The following EYA2 variants were observed in gnomAD, a reference collection of about 807,000 sequenced individuals.
The protein encoded by EYA2 is EYA transcriptional coactivator and phosphatase 2.
EYA2 carries 31 observed loss-of-function variants against 69.2 expected under a neutral mutation model. That is an observed-to-expected ratio of 0.45 (90% CI 0.34 to 0.60). The LOEUF is 0.60. EYA2 is among the 20% of genes least tolerant of loss of function. The probability of loss-of-function intolerance (pLI) is 0.02; values close to 1 mark genes in which losing one functional copy is unlikely to be tolerated. For missense variants in EYA2, 622 were observed against 701.2 expected, an observed-to-expected ratio of 0.89 and a Z score of 1.28; for synonymous variants, 257 against 279.4, an observed-to-expected ratio of 0.92 and a Z score of 0.80.
chr20:47,133,107 CCAAACGTAGACCTAAAG>C (rs1322493654), intron 9 of EYA2, among the ~76,000 whole-genome samples: 2 of 152,198 alleles, frequency 1.3e-5, no homozygotes, highest in African/African-American at 4.8e-5. Flanking sequence ...ACCAAGATGT[CCAAACGTAGACCTAAAG>C]CAAGGTGGGA....
chr20:46,930,266 A>T (rs1472996711), intron 1 of EYA2, among the ~76,000 whole-genome samples: 1 of 152,254 alleles, frequency 6.6e-6, no homozygotes, highest in African/African-American at 2.4e-5. Context: ...GGTTAACACT[A>T]AAACTTTTAA....
At chr20:46,957,293 T>C (rs150795376) in intron 1 of EYA2, among the ~76,000 whole-genome samples, 321 of 152,304 alleles carry the variant, frequency 2.1e-3, no homozygotes, top group African/African-American at 7.2e-3. Flanking sequence ...AGCCTATCAA[T>C]TATACACACT....
intron 5 of EYA2, among the ~76,000 whole-genome samples, chr20:47,063,717 G>C (rs901961625): frequency 6.6e-6 from 1 of 152,156 alleles, no homozygotes; most frequent in African/African-American, 2.4e-5. Context: ...CTGGCCGTGG[G>C]CCAAGTCTTC....
At chr20:47,014,578 T>G (rs907015112) in intron 4 of EYA2, among the ~76,000 whole-genome samples, 4 of 151,750 alleles carry the variant, frequency 2.6e-5, no homozygotes, top group Non-Finnish European at 4.4e-5. Context: ...ACTCAGTGAT[T>G]CCAGCTACTG....
chr20:47,074,991 A>C (rs941234559), intron 7 of EYA2, among the ~76,000 whole-genome samples: 2 of 152,226 alleles, frequency 1.3e-5, no homozygotes, highest in Non-Finnish European at 2.9e-5. Flanking sequence ...GGCACCTGTA[A>C]TCCCAGCTAC....
chr20:47,139,621 G>C (rs11907791), intron 9 of EYA2, among the ~76,000 whole-genome samples: 2,535 of 152,080 alleles, frequency 0.017, 71 homozygotes, highest in African/African-American at 0.058. Context: ...GTGGAGACGG[G>C]GTTTCTCCAT....
intron 4 of EYA2, among the ~76,000 whole-genome samples, chr20:47,006,522 C>G (rs1311701625): frequency 1.3e-5 from 2 of 152,216 alleles, no homozygotes; most frequent in African/African-American, 4.8e-5. Flanking sequence ...TTTCATCTTC[C>G]CACCTAGAGG....
chr20:47,100,244 C>T (rs986302118), intron 9 of EYA2, among the ~76,000 whole-genome samples: 6 of 152,226 alleles, frequency 3.9e-5, no homozygotes, highest in Non-Finnish European at 5.9e-5. Context: ...GTGTCGCCAA[C>T]ATTTAAAAAT....
intron 9 of EYA2, among the ~76,000 whole-genome samples, chr20:47,112,948 T>C (rs2032789769): frequency 1.4e-5 from 2 of 142,312 alleles, no homozygotes; most frequent in Admixed American, 1.5e-4. Context: ...CTTGGCTCAC[T>C]GCAACCACTG....
chr20:47,180,854 A>G lies in EYA2; in HGVS notation c.1353A>G (p.Leu451=), dbSNP rs1329936321. ...ATGTGCTGGTCACCACCACTCAACT[A>G]ATTCCTGCCCTGGCCAAAGTCCTGC... The part of the protein sequence containing the change: ...CVNVLVTTTQ[L]IPALAKVLLY... Residue 451 remains leucine (L), a synonymous_variant, in exon 14 of 16, where the codon CTA becomes CTG. Transcript: ENST00000327619. The G allele has an allele frequency of 1.2e-6, 2 of 1,614,204 alleles. No individual in the cohort carries two copies. Among genetic ancestry groups the G allele is most frequent in the Non-Finnish European group, 1.7e-6 (2 of 1,180,042 alleles).
At chr20:47,094,821 G>A (rs574765012) in intron 8 of EYA2, among the ~76,000 whole-genome samples, 2 of 152,268 alleles carry the variant, frequency 1.3e-5, no homozygotes, top group African/African-American at 4.8e-5. Context: ...TTGCATTCAG[G>A]AGTTCAAGAA....
intron 9 of EYA2, among the ~76,000 whole-genome samples, chr20:47,120,348 C>T (rs1365185932): frequency 6.6e-6 from 1 of 152,176 alleles, no homozygotes; most frequent in East Asian, 1.9e-4. Context: ...TGCACTCCAG[C>T]CTGGGCAACA....
At position 47,075,026 on chromosome 20, in the gene EYA2, G is replaced by A. The variant is rs146474921; in HGVS notation, c.661+691G>A. 4.5e-3 allele frequency among the ~76,000 whole-genome samples: 690 copies of A among 152,324 alleles called. 8 individuals are homozygous for A. The highest frequency in any genetic ancestry group is 0.014 in the African/African-American group (590 of 41,572). The stretch of plus-strand genomic sequence containing the variant: ...CTAGGGCGGCTGAGGTAGGAGAATC[G>A]CTTGAACCTGGGAGGCGGAGGTTGC... On this transcript the variant is annotated intron_variant, in intron 7 of 15. Transcript: ENST00000327619.
chr20:47,038,908 G>A (rs528653007), intron 5 of EYA2, among the ~76,000 whole-genome samples: 1 of 152,162 alleles, frequency 6.6e-6, no homozygotes, highest in South Asian at 2.1e-4. Context: ...TCTCGAACAG[G>A]AGAAAAACAA....
At chr20:46,907,278 C>G (rs1372991484) in intron 1 of EYA2, among the ~76,000 whole-genome samples, 1 of 152,234 alleles carries the variant, frequency 6.6e-6, no homozygotes, top group African/African-American at 2.4e-5. Context: ...TGGAAAATAG[C>G]TCAGGTTTTT....
At chr20:46,914,512 G>A (rs1035141455) in intron 1 of EYA2, among the ~76,000 whole-genome samples, 16 of 152,290 alleles carry the variant, frequency 1.1e-4, no homozygotes, top group African/African-American at 2.2e-4. Flanking sequence ...CAATCATGGC[G>A]GAAGGGGAAG....
intron 2 of EYA2, among the ~76,000 whole-genome samples, chr20:46,996,704 A>T (rs530367420): frequency 2.3e-4 from 35 of 152,366 alleles, no homozygotes; most frequent in African/African-American, 7.5e-4. Context: ...CCATAAAAAA[A>T]TACCTGAAAC....
At chr20:47,012,967 G>C (rs1189311531) in intron 4 of EYA2, among the ~76,000 whole-genome samples, 3 of 152,198 alleles carry the variant, frequency 2.0e-5, no homozygotes, top group African/African-American at 7.2e-5. Context: ...CAGACTTAGG[G>C]GACGAAGGCC....
intron 5 of EYA2, among the ~76,000 whole-genome samples, chr20:47,056,309 G>C (rs2030606941): frequency 6.6e-6 from 1 of 152,088 alleles, no homozygotes; most frequent in Admixed American, 6.6e-5. Flanking sequence ...CGCAACATGG[G>C]TACCCCAGGA....
Sources: gnomAD v4.1 joint callset for allele counts (sites outside exome capture counted in the v4.1 genomes callset) on GRCh38, gnomAD v4.1.1 for gene constraint, MANE v1.5 for transcripts, NCBI Gene and HGNC (gene_info 2026-07-23, HGNC 2026-07-21) for gene names.